The following ARFIP1 variants were observed in gnomAD, a reference collection of about 807,000 sequenced individuals.
The protein encoded by ARFIP1 is arfaptin-1.
ARFIP1 carries 24 observed loss-of-function variants against 42.5 expected under a neutral mutation model. The observed-to-expected ratio is 0.57, with a 90% CI of 0.41 to 0.80. The LOEUF (loss-of-function observed/expected upper bound fraction) is 0.80, where lower values mean the gene tolerates loss of function less well. Among genes scored for constraint, ARFIP1 ranks in the 30% least tolerant of loss-of-function variants. The pLI is 0.00. For missense variants in ARFIP1, 354 were observed against 434.0 expected (o/e 0.82, Z 1.64); for synonymous variants, 141 against 153.7 (o/e 0.92, Z 0.61).
At position 152,847,124 on chromosome 4, in the gene ARFIP1, C is replaced by CTTTTTTTTTTTTTTTTTTTTTTTTTT. The variant is rs771661005; in HGVS notation, c.94-16458_94-16457insTTTTTTTTTTTTTTTTTTTTTTTTTT. Among the ~76,000 whole-genome samples, 34 of 40,556 alleles carry CTTTTTTTTTTTTTTTTTTTTTTTTTT rather than the reference C, an allele frequency of 8.4e-4. 11 individuals are homozygous for CTTTTTTTTTTTTTTTTTTTTTTTTTT. The highest frequency in any genetic ancestry group is 1.0e-3 in the Non-Finnish European group (23 of 22,242). The allele number at this position is 40,556 out of a possible 152,430, so 26.6% of individuals were successfully genotyped here. On this transcript the variant is annotated intron_variant, in intron 2 of 8. Coordinates refer to ENST00000353617, the MANE Select transcript of ARFIP1 (RefSeq NM_001025595.3). ...GTATGTTAATGTTTTTAGGTTTGTT[C>CTTTTTTTTTTTTTTTTTTTTTTTTTT]TTTTTTTTTTTTTTTTTTTTTTTTG...
chr4:152,875,378 TAAAAA>T (rs11302481), intron 5 of ARFIP1, among the ~76,000 whole-genome samples: 1 of 100,162 alleles, frequency 1.0e-5, no homozygotes, highest in African/African-American at 3.4e-5. Flanking sequence ...TCTTTTTTTA[TAAAAA>T]AAAAAAAAAA....
intron 8 of ARFIP1, among the ~76,000 whole-genome samples, chr4:152,894,426 A>C (rs1223706407): frequency 1.3e-5 from 2 of 152,342 alleles, no homozygotes; most frequent in African/African-American, 4.8e-5. Context: ...GGAGATAGAT[A>C]CATTCTTGAA....
intron 8 of ARFIP1, among the ~76,000 whole-genome samples, chr4:152,899,617 C>T (rs987153370): frequency 3.9e-5 from 6 of 152,126 alleles, no homozygotes; most frequent in African/African-American, 1.4e-4. Context: ...GTGTGTTCAT[C>T]CCTTCCTCCT....
chr4:152,803,765 C>G (rs1728608750), intron 1 of ARFIP1, among the ~76,000 whole-genome samples: 1 of 151,684 alleles, frequency 6.6e-6, no homozygotes, highest in African/African-American at 2.4e-5. Flanking sequence ...CTGGGATTAG[C>G]AGAAGACAGC....
chr4:152,872,421 G>C (rs571776111), intron 4 of ARFIP1, 31 bp from the exon 5 acceptor site: 4 of 1,402,410 alleles, frequency 2.9e-6, no homozygotes, highest in African/African-American at 1.4e-5. Flanking sequence ...TCTTCATCTG[G>C]ATTGTGTTTT....
At chr4:152,803,538 G>A (rs928359357) in intron 1 of ARFIP1, among the ~76,000 whole-genome samples, 2 of 152,100 alleles carry the variant, frequency 1.3e-5, no homozygotes, top group East Asian at 1.9e-4. Flanking sequence ...TGGGTGGTGG[G>A]GAGGTGGTGT....
chr4:152,907,761 G>A (rs1240472658), intron 8 of ARFIP1, among the ~76,000 whole-genome samples: 1 of 152,166 alleles, frequency 6.6e-6, no homozygotes, highest in Non-Finnish European at 1.5e-5. Context: ...TGCGTTGAGA[G>A]ACCACTCTAT....
intron 1 of ARFIP1, among the ~76,000 whole-genome samples, chr4:152,820,885 C>G (rs1730313341): frequency 6.6e-6 from 1 of 152,220 alleles, no homozygotes; most frequent in Non-Finnish European, 1.5e-5. Context: ...CATACAGAGT[C>G]TTCACCACTG....
rs75894470 is a variant in ARFIP1 at position 152,874,515 on chromosome 4, G to T, written c.411+1951G>T. ...AAGTTCATAGTGTAATGACCTCATG[G>T]GGTCTGCATGACTCTCTGTGTTCTT... is the stretch of plus-strand genomic sequence containing the variant. On this transcript the variant is annotated intron_variant, in intron 5 of 8. Transcript: ENST00000353617. Among the ~76,000 whole-genome samples the T allele has an allele frequency of 4.8e-4, 73 of 152,256 alleles. 1 individual carries two copies. In the East Asian group the frequency reaches 0.013, roughly 28 times the overall value.
intron 2 of ARFIP1, among the ~76,000 whole-genome samples, chr4:152,835,114 C>T (rs1452338906): frequency 6.6e-6 from 1 of 152,216 alleles, no homozygotes; most frequent in Non-Finnish European, 1.5e-5. Flanking sequence ...TGGATGTTAG[C>T]ACATGGCTCC....
chr4:152,909,272 C>T (rs1000764271), intron 8 of ARFIP1, among the ~76,000 whole-genome samples: 7 of 152,220 alleles, frequency 4.6e-5, no homozygotes, highest in African/African-American at 1.7e-4. Flanking sequence ...GTAATCCCAG[C>T]TACTCGGGAG....
chr4:152,808,316 T>TTTTTTTTTTTTC (rs1554022728), intron 1 of ARFIP1, among the ~76,000 whole-genome samples: 1 of 130,870 alleles, frequency 7.6e-6, no homozygotes, highest in Non-Finnish European at 1.6e-5. Flanking sequence ...TTTTTTTTTT[T>TTTTTTTTTTTTC]TGTAGCAGTA....
chr4:152,789,237 C>T (rs973797186), intron 1 of ARFIP1, among the ~76,000 whole-genome samples: 1 of 151,642 alleles, frequency 6.6e-6, no homozygotes, highest in Admixed American at 6.6e-5. Flanking sequence ...TCTACAGGTA[C>T]ATGCCACCAT....
chr4:152,796,799 T>C (rs1731496581), intron 1 of ARFIP1: 2 of 679,692 alleles, frequency 2.9e-6, no homozygotes. Context: ...TGGTATAGCA[T>C]TTATGGTGTA....
At chr4:152,898,651 A>G (rs1737562134) in intron 8 of ARFIP1, among the ~76,000 whole-genome samples, 1 of 152,242 alleles carries the variant, frequency 6.6e-6, no homozygotes, top group Non-Finnish European at 1.5e-5. Context: ...TAACTTAAAC[A>G]TGAGAAAGAA....
chr4:152,831,747 T>C (rs974685804), intron 2 of ARFIP1, among the ~76,000 whole-genome samples: 1 of 152,258 alleles, frequency 6.6e-6, no homozygotes, highest in East Asian at 1.9e-4. Flanking sequence ...AGTCATATTG[T>C]TGCTTATAGC....
intron 2 of ARFIP1, among the ~76,000 whole-genome samples, chr4:152,847,997 C>T (rs939301983): frequency 1.3e-5 from 2 of 152,196 alleles, no homozygotes; most frequent in East Asian, 3.9e-4. Flanking sequence ...TTAGGACCCC[C>T]TGAACCCTGC....
chr4:152,812,289 G>C (rs1208007072), intron 1 of ARFIP1, among the ~76,000 whole-genome samples: 1 of 152,178 alleles, frequency 6.6e-6, no homozygotes, highest in Non-Finnish European at 1.5e-5. Context: ...TGACCTCCCT[G>C]GGTTAAGCAA....
At chr4:152,817,894 A>G (rs1730032969) in intron 1 of ARFIP1, among the ~76,000 whole-genome samples, 1 of 152,210 alleles carries the variant, frequency 6.6e-6, no homozygotes, top group Non-Finnish European at 1.5e-5. Context: ...GCAAATCAAA[A>G]CTACAATGAG....
Sources: allele counts gnomAD v4.1 joint callset (sites outside exome capture counted in the v4.1 genomes callset), GRCh38; gene constraint gnomAD v4.1.1; transcripts MANE v1.5; gene names NCBI Gene and HGNC (gene_info 2026-07-23, HGNC 2026-07-21).